Variants in CCDC146 observed in about 807,000 individuals in gnomAD.
CCDC146 encodes coiled-coil domain containing 146.
In CCDC146, 92 loss-of-function variants were observed where a neutral mutation model predicts 119.3. The observed-to-expected ratio is 0.77, with a 90% CI of 0.65 to 0.92. The LOEUF is 0.92. Among genes scored for constraint, CCDC146 ranks in the 40% least tolerant of loss-of-function variants. CCDC146 has a pLI of 0.00. For synonymous variants in CCDC146, 372 were observed against 371.8 expected, an observed-to-expected ratio of 1.00 and a Z score of -0.01; for missense variants, 1,000 against 1,103.0, an observed-to-expected ratio of 0.91 and a Z score of 1.32.
chr7:77,161,553 C>T (rs914808998), intron 1 of CCDC146, among the ~76,000 whole-genome samples: 10 of 147,952 alleles, frequency 6.8e-5, no homozygotes, highest in Admixed American at 1.4e-4. Flanking sequence ...AACCAAACAC[C>T]GCATATTCTC....
chr7:77,142,556 C>T (rs1790951520), intron 1 of CCDC146, among the ~76,000 whole-genome samples: 1 of 151,834 alleles, frequency 6.6e-6, no homozygotes, highest in African/African-American at 2.4e-5. Context: ...TAATGCTTTC[C>T]CTCCCCCCTT....
chr7:77,246,607 C>T (rs1172819886), intron 4 of CCDC146: 2 of 151,970 alleles, frequency 1.3e-5, no homozygotes, highest in African/African-American at 4.8e-5. Context: ...AAAGTGATAA[C>T]CCAAAAGGAG....
chr7:77,236,050 G>A (rs1163832697), intron 2 of CCDC146, among the ~76,000 whole-genome samples: 2 of 142,826 alleles, frequency 1.4e-5, no homozygotes, highest in Non-Finnish European at 3.1e-5. Flanking sequence ...CAGCCTGGAC[G>A]ACAGAGTGAG....
intron 2 of CCDC146, among the ~76,000 whole-genome samples, chr7:77,227,345 G>A (rs944303314): frequency 3.9e-5 from 6 of 152,078 alleles, no homozygotes; most frequent in African/African-American, 1.2e-4. Context: ...TTGCTCTGTC[G>A]CCTAGGCTGG....
chr7:77,294,564 CAA>C (rs1755666793), intron 18 of CCDC146, 97 bp from the exon 19 acceptor site: 30 of 1,178,378 alleles, frequency 2.5e-5, no homozygotes, highest in Non-Finnish European at 8.6e-6. Context: ...CTAGCACGGT[CAA>C]AGACTGTCCA....
chr7:77,180,892 C>A (rs745307635), intron 2 of CCDC146, among the ~76,000 whole-genome samples: 9 of 152,096 alleles, frequency 5.9e-5, no homozygotes, highest in Non-Finnish European at 7.3e-5. Flanking sequence ...TGCCATCTAA[C>A]TTTTTGACCA....
Position 77,145,608 on chromosome 7 carries a change from A to T in CCDC146, c.-11-22050A>T, listed in dbSNP as rs772235907. ...CTTTAAATGTGTCCCAGAGATTCTG[A>T]TATGTTGTGTCTTTGTTCTCATTGG... On this transcript the variant is annotated intron_variant, in intron 1 of 18. Transcript: ENST00000285871. Among the ~76,000 whole-genome samples the T allele has an allele frequency of 3.1e-3, 465 of 151,384 alleles. 3 individuals are homozygous for T. Among genetic ancestry groups the T allele is most frequent in the Non-Finnish European group, 5.5e-3 (372 of 67,902 alleles).
At chr7:77,260,997 TG>T (rs1304947689) in intron 8 of CCDC146, among the ~76,000 whole-genome samples, 2 of 152,126 alleles carry the variant, frequency 1.3e-5, no homozygotes, top group East Asian at 3.9e-4. Flanking sequence ...GTTATTTTTT[TG>T]GGGGGTGGGG....
At chr7:77,190,372 C>T (rs75795921) in intron 2 of CCDC146, among the ~76,000 whole-genome samples, 2,734 of 152,334 alleles carry the variant, frequency 0.018, 95 homozygotes, top group East Asian at 0.14. Context: ...CTCTACATGT[C>T]TTCTCCAGCC....
intron 2 of CCDC146, among the ~76,000 whole-genome samples, chr7:77,197,725 A>G (rs1210285890): frequency 6.6e-6 from 1 of 152,200 alleles, no homozygotes; most frequent in African/African-American, 2.4e-5. Flanking sequence ...TATATAAAGA[A>G]GCTCAAGTGA....
chr7:77,135,425 C>T (rs1365046288), intron 1 of CCDC146, among the ~76,000 whole-genome samples: 4 of 149,766 alleles, frequency 2.7e-5, no homozygotes, highest in Non-Finnish European at 5.9e-5. Flanking sequence ...AAGATTCAGG[C>T]TGCAGCAACA....
At chr7:77,260,420 AT>A (rs1462619795) in intron 8 of CCDC146, among the ~76,000 whole-genome samples, 184 bp downstream of exon 8, 4 of 152,126 alleles carry the variant, frequency 2.6e-5, no homozygotes, top group Non-Finnish European at 5.9e-5. Flanking sequence ...CTTTACTCAA[AT>A]TTTCTCAATT....
intron 1 of CCDC146, among the ~76,000 whole-genome samples, chr7:77,133,595 C>T (rs1457747897): frequency 6.0e-5 from 9 of 150,852 alleles, no homozygotes; most frequent in African/African-American, 1.2e-4. Flanking sequence ...CCACTTGCCT[C>T]GGCCTCCCAA....
intron 2 of CCDC146, among the ~76,000 whole-genome samples, chr7:77,216,767 A>C (rs1792308467): frequency 6.6e-6 from 1 of 152,178 alleles, no homozygotes; most frequent in Non-Finnish European, 1.5e-5. Context: ...ATTTGTCTGC[A>C]TTTCCCTTAC....
intron 2 of CCDC146, among the ~76,000 whole-genome samples, chr7:77,207,823 G>A (rs1792108496): frequency 6.6e-6 from 1 of 152,110 alleles, no homozygotes; most frequent in Non-Finnish European, 1.5e-5. Flanking sequence ...TTATTAATTA[G>A]AAGCAATATA....
chr7:77,201,508 C>G (rs532189188), intron 2 of CCDC146, among the ~76,000 whole-genome samples: 4 of 151,486 alleles, frequency 2.6e-5, no homozygotes, highest in Non-Finnish European at 5.9e-5. Flanking sequence ...GAGCCTAGAT[C>G]GTACCACTGC....
At chr7:77,184,990 A>G (rs1791641720) in intron 2 of CCDC146, among the ~76,000 whole-genome samples, 1 of 152,172 alleles carries the variant, frequency 6.6e-6, no homozygotes, top group African/African-American at 2.4e-5. Flanking sequence ...TCTGTTACCC[A>G]TGGAAAATTA....
At chr7:77,259,876 C>T in intron 7 of CCDC146, 133 bp from the exon 8 acceptor site, 1 of 648,962 alleles carries the variant, frequency 1.5e-6, no homozygotes, top group Non-Finnish European at 2.7e-6. Flanking sequence ...TTATGACTAT[C>T]TCTTCTGCTG....
intron 1 of CCDC146, among the ~76,000 whole-genome samples, chr7:77,159,493 C>T (rs1284179246): frequency 6.6e-6 from 1 of 152,016 alleles, no homozygotes; most frequent in African/African-American, 2.4e-5. Context: ...TAAAATGTTC[C>T]ATTGTATACA....
Sources: allele counts gnomAD v4.1 joint callset (sites outside exome capture counted in the v4.1 genomes callset), GRCh38; gene constraint gnomAD v4.1.1; transcripts MANE v1.5; gene names NCBI Gene and HGNC (gene_info 2026-07-23, HGNC 2026-07-21).